The following SPTSSA variants were observed in gnomAD, a reference collection of about 807,000 sequenced individuals.
SPTSSA encodes the protein serine palmitoyltransferase small subunit A.
Under a neutral mutation model 9.1 loss-of-function variants are expected in SPTSSA, and 8 were observed. That is an observed-to-expected ratio of 0.88 (90% CI 0.51 to 1.58). The LOEUF (loss-of-function observed/expected upper bound fraction) is 1.58. Ranked by LOEUF, SPTSSA falls within the 40% of genes most tolerant of loss-of-function variation. SPTSSA has a pLI of 0.00. For missense variants in SPTSSA, 100 were observed against 93.8 expected, an observed-to-expected ratio of 1.07 and a Z score of -0.27; for synonymous variants, 42 against 37.7, an observed-to-expected ratio of 1.11 and a Z score of -0.41.
chr14:34,449,872 C>G (rs1883490137), intron 1 of SPTSSA, among the ~76,000 whole-genome samples: 1 of 152,184 alleles, frequency 6.6e-6, no homozygotes, highest in African/African-American at 2.4e-5. Context: ...ACAGAGTATA[C>G]CGGCTATAAT....
At chr14:34,446,894 G>C (rs1883430781) in intron 1 of SPTSSA, among the ~76,000 whole-genome samples, 1 of 152,092 alleles carries the variant, frequency 6.6e-6, no homozygotes, top group Admixed American at 6.6e-5. Flanking sequence ...ATAGAATGCA[G>C]GTTATAAAAA....
intron 1 of SPTSSA, among the ~76,000 whole-genome samples, chr14:34,460,198 T>C (rs966277133): frequency 6.6e-6 from 1 of 152,168 alleles, no homozygotes; most frequent in Admixed American, 6.5e-5. Flanking sequence ...CAACAGCTGA[T>C]AGTAATTCAA....
At chr14:34,448,026 G>A (rs548157023) in intron 1 of SPTSSA, among the ~76,000 whole-genome samples, 33 of 152,070 alleles carry the variant, frequency 2.2e-4, no homozygotes, top group Non-Finnish European at 4.3e-4. Flanking sequence ...AAGCTGAGGT[G>A]GGCAGATCAC....
intron 1 of SPTSSA, among the ~76,000 whole-genome samples, chr14:34,457,971 G>GAAA (rs750575678): frequency 5.5e-5 from 3 of 54,708 alleles, no homozygotes; most frequent in Admixed American, 2.2e-4. Context: ...GACTGTCTCG[G>GAAA]AAAAAAAAAA....
intron 1 of SPTSSA, among the ~76,000 whole-genome samples, chr14:34,460,650 A>G (rs1878600795): frequency 6.6e-6 from 1 of 152,182 alleles, no homozygotes; most frequent in East Asian, 1.9e-4. Flanking sequence ...GTTTCATTTT[A>G]ACCCAGCATT....
intron 1 of SPTSSA, among the ~76,000 whole-genome samples, chr14:34,450,938 A>C (rs1883509167): frequency 1.3e-5 from 2 of 152,180 alleles, no homozygotes; most frequent in African/African-American, 4.8e-5. Flanking sequence ...CCATATATAG[A>C]ATCTGTATGT....
At chr14:34,447,598 C>T (rs1021934727) in intron 1 of SPTSSA, among the ~76,000 whole-genome samples, 11 of 152,116 alleles carry the variant, frequency 7.2e-5, no homozygotes, top group Non-Finnish European at 1.2e-4. Flanking sequence ...TTTGCTCATA[C>T]TCTCACCTAA....
chr14:34,455,415 T>C (rs952391502), intron 1 of SPTSSA, among the ~76,000 whole-genome samples: 2 of 152,052 alleles, frequency 1.3e-5, no homozygotes, highest in African/African-American at 4.8e-5. Flanking sequence ...AGTATATTTT[T>C]TATATATTCA....
At chr14:34,440,126 CT>C (rs1238023968) in intron 1 of SPTSSA, among the ~76,000 whole-genome samples, 1 of 152,210 alleles carries the variant, frequency 6.6e-6, no homozygotes, top group Non-Finnish European at 1.5e-5. Flanking sequence ...AAATTATCAA[CT>C]CCTTAAACAG....
At chr14:34,442,955 GGTGT>G (rs958490338) in intron 1 of SPTSSA, among the ~76,000 whole-genome samples, 334 of 124,190 alleles carry the variant, frequency 2.7e-3, no homozygotes, top group Middle Eastern at 0.027. Context: ...TGTCTAGGGG[GGTGT>G]GTGTGTGTGT....
chr14:34,445,450 G>A (rs760408958), intron 1 of SPTSSA, among the ~76,000 whole-genome samples: 1 of 151,282 alleles, frequency 6.6e-6, no homozygotes, highest in South Asian at 2.1e-4. Flanking sequence ...GCAGTGAACC[G>A]AGATCACACC....
intron 1 of SPTSSA, among the ~76,000 whole-genome samples, chr14:34,452,602 G>A (rs1022138091): frequency 2.6e-4 from 39 of 152,114 alleles, no homozygotes; most frequent in African/African-American, 8.4e-4. Flanking sequence ...TAATGATCAC[G>A]GACTGAAAAT....
intron 1 of SPTSSA, among the ~76,000 whole-genome samples, chr14:34,444,362 C>A (rs982375693): frequency 2.0e-5 from 3 of 152,144 alleles, no homozygotes; most frequent in African/African-American, 7.2e-5. Context: ...CTAGGTAAGA[C>A]CAAGGGACAT....
At chr14:34,454,565 C>T (rs937603703) in intron 1 of SPTSSA, among the ~76,000 whole-genome samples, 2 of 152,314 alleles carry the variant, frequency 1.3e-5, no homozygotes. Flanking sequence ...ACATGTTAAA[C>T]AGGCTAGAGC....
chr14:34,449,626 C>T (rs977103832), intron 1 of SPTSSA, among the ~76,000 whole-genome samples: 1 of 151,884 alleles, frequency 6.6e-6, no homozygotes, highest in Non-Finnish European at 1.5e-5. Context: ...CCTCAGTCTC[C>T]CGAGTAGCTA....
intron 1 of SPTSSA, among the ~76,000 whole-genome samples, chr14:34,448,577 A>C (rs1341488752): frequency 6.6e-6 from 1 of 152,224 alleles, no homozygotes; most frequent in African/African-American, 2.4e-5. Flanking sequence ...GCATACCCCA[A>C]GTAACCAATG....
intron 1 of SPTSSA, among the ~76,000 whole-genome samples, chr14:34,444,668 T>C (rs1192655256): frequency 1.4e-5 from 2 of 147,636 alleles, no homozygotes; most frequent in African/African-American, 5.1e-5. Flanking sequence ...AGGAAAATCG[T>C]TTGAACCCAG....
At chr14:34,443,198 G>GTGTGTGT (rs1555314387) in intron 1 of SPTSSA, among the ~76,000 whole-genome samples, 1 of 11,480 alleles carries the variant, frequency 8.7e-5, no homozygotes, top group African/African-American at 5.7e-4. Context: ...TCCTCTAGGG[G>GTGTGTGT]GTGTGTGTGT....
intron 1 of SPTSSA, among the ~76,000 whole-genome samples, chr14:34,452,399 T>A (rs1410324796): frequency 6.6e-6 from 1 of 152,246 alleles, no homozygotes; most frequent in Admixed American, 6.5e-5. Flanking sequence ...ACCAATTTGA[T>A]ATTCAAGGGT....
Sources: allele counts gnomAD v4.1 joint callset (sites outside exome capture counted in the v4.1 genomes callset), GRCh38; gene constraint gnomAD v4.1.1; transcripts MANE v1.5; gene names NCBI Gene and HGNC (gene_info 2026-07-23, HGNC 2026-07-21).